FGD4: variants seen among roughly 807,000 people sequenced by gnomAD.
FGD4 encodes the protein FYVE, RhoGEF and PH domain containing 4, also known as FYVE, RhoGEF and PH domain-containing protein 4.
In FGD4, 42 loss-of-function variants were observed where a neutral mutation model predicts 102.0. The observed-to-expected ratio is 0.41, with a 90% CI of 0.32 to 0.53. FGD4 has a LOEUF of 0.53. FGD4 is among the 20% of genes least tolerant of loss of function. The pLI, the probability that FGD4 is intolerant of heterozygous loss-of-function variation, is 0.21. For missense variants in FGD4, 902 were observed against 1,078.2 expected (o/e 0.84, Z 2.29); for synonymous variants, 380 against 375.7 (o/e 1.01, Z -0.13).
At position 32,611,155 on chromosome 12, in the gene FGD4, T is replaced by A. The variant is rs768836812; in HGVS notation, c.1621T>A (p.Leu541Ile). ...IRKMENLKKL[L>I]EIYEMLGEEE... ...TTCCTAGGAGAACCTAAAGAAACTC[T>A]TAGAGATTTATGAAATGTTGGGAGA... Residue 541 changes from leucine (L) to isoleucine (I), a missense_variant, in exon 10 of 17, where the codon TTA (leucine) becomes ATA (isoleucine). Leu to Ile is a conservative substitution (Grantham distance 5, BLOSUM62 2). This residue lies in a region of FGD4 where 459 missense variants were observed against 619.0 expected (regional missense o/e 0.74). Coordinates refer to ENST00000534526, the MANE Select transcript of FGD4 (RefSeq NM_001370298.3). 6.2e-7 allele frequency: 1 copy of A among 1,614,102 alleles called. No individual in the cohort carries two copies. The highest frequency in any genetic ancestry group is 1.1e-5 in the South Asian group (1 of 91,084).
At chr12:32,613,374 G>C (rs1949265049) in intron 10 of FGD4, among the ~76,000 whole-genome samples, 1 of 152,180 alleles carries the variant, frequency 6.6e-6, no homozygotes, top group Admixed American at 6.5e-5. Flanking sequence ...AGATTTCAAA[G>C]CTTTTTTTGC....
In FGD4 at chr12:32,602,250, C is replaced by T; in HGVS notation, c.1337C>T (p.Ala446Val). 2 of 1,614,104 alleles carry T rather than the reference C, an allele frequency of 1.2e-6. No homozygotes were observed. The highest frequency in any genetic ancestry group is 1.7e-6 in the Non-Finnish European group (2 of 1,180,000). Residue 446 changes from alanine (A) to valine (V), a missense_variant, in exon 7 of 17, where the codon GCA becomes GTA. Ala to Val is a moderately conservative substitution (Grantham distance 64). Around this residue, in one of 2 missense-constraint regions of FGD4, gnomAD observed 459 missense variants for 619.0 expected, o/e 0.74. Coordinates refer to ENST00000534526, the MANE Select transcript of FGD4 (RefSeq NM_001370298.3). ...GAATATGTGAAAGGATTTGATAATG[C>T]AATGGAATTGGTTAAAAACATGACA... Reference protein sequence around the residue: ...YGEYVKGFDNAMELVKNMTER... With the variant: ...YGEYVKGFDNVMELVKNMTER...
chr12:32,513,134 T>C (rs1314520794), intron 1 of FGD4, among the ~76,000 whole-genome samples: 1 of 152,128 alleles, frequency 6.6e-6, no homozygotes, highest in African/African-American at 2.4e-5. Context: ...AGTGCTGTGA[T>C]TGCGCAGAGA....
intron 10 of FGD4, among the ~76,000 whole-genome samples, chr12:32,618,805 T>A (rs1949606953): frequency 6.6e-6 from 1 of 152,196 alleles, no homozygotes; most frequent in Non-Finnish European, 1.5e-5. Flanking sequence ...ACCTCATCTC[T>A]ACTAAGAAAA....
intron 1 of FGD4, among the ~76,000 whole-genome samples, chr12:32,532,103 T>C (rs1941865187): frequency 2.0e-5 from 3 of 152,214 alleles, no homozygotes; most frequent in African/African-American, 7.2e-5. Context: ...CTGAACAGTA[T>C]ATATACTATG....
At position 32,639,056 on chromosome 12, in the gene FGD4, G is replaced by A. The variant is rs904914289; in HGVS notation, c.2454+261G>A. 3 of 876,470 alleles carry A rather than the reference G, an allele frequency of 3.4e-6. No individual in the cohort carries two copies. In the Admixed American group the frequency reaches 1.1e-4, roughly 32 times the overall value. The allele number at this position is 876,470 out of a possible 1,614,324, so 54.3% of individuals were successfully genotyped here. The stretch of plus-strand genomic sequence containing the variant: ...TTTGAGAAAAGATGAGTTGAATTAG[G>A]AATGAGCATGAGGAGAAGGGGAAGC... On this transcript the variant is annotated intron_variant, in intron 16 of 16. Coordinates refer to ENST00000534526, the MANE Select transcript of FGD4 (RefSeq NM_001370298.3).
chr12:32,399,943 G>T lies in FGD4; in HGVS notation c.150G>T (p.Val50=), dbSNP rs1419786262. 3 of 1,492,522 alleles carry T rather than the reference G, an allele frequency of 2.0e-6. No homozygotes were observed. The highest frequency in any genetic ancestry group is 2.7e-6 in the Non-Finnish European group (3 of 1,127,054). The allele number at this position is 1,492,522 out of a possible 1,614,324, so 92.5% of individuals were successfully genotyped here. ...RVGTAAFKGQ[V]PSGATGSSTC... ...GGACCGCTGCCTTCAAGGGCCAGGTGCCCTCAGGAGCCACAGGTAAGCGCC... is the reference window on the plus strand; with the variant it reads ...GGACCGCTGCCTTCAAGGGCCAGGTTCCCTCAGGAGCCACAGGTAAGCGCC... The change falls in exon 1 of 17, where the codon GTG becomes GTT. Residue 50 remains valine, a synonymous_variant. Transcript: ENST00000534526.
At chr12:32,550,480 G>A (rs1943561317) in intron 1 of FGD4, among the ~76,000 whole-genome samples, 2 of 151,858 alleles carry the variant, frequency 1.3e-5, no homozygotes, top group Non-Finnish European at 2.9e-5. Flanking sequence ...GACCAGCCTG[G>A]GCAAAATAGT....
rs556932601 is a variant in FGD4 at position 32,635,111 on chromosome 12, A to G, written c.2313+1422A>G. 5.9e-5 allele frequency among the ~76,000 whole-genome samples: 9 copies of G among 152,366 alleles called. No homozygotes were observed. The East Asian group carries it at 1.5e-3, about 26-fold the overall frequency. ...CACTTCTGTTCATTGATAAAGGGTT[A>G]CAAACTTCAAGGTCCATTTGAGGCT... On this transcript the variant is annotated intron_variant, in intron 15 of 16. Coordinates refer to ENST00000534526, the MANE Select transcript of FGD4 (RefSeq NM_001370298.3).
chr12:32,451,762 G>A (rs1240889366), intron 1 of FGD4, among the ~76,000 whole-genome samples: 1 of 134,780 alleles, frequency 7.4e-6, no homozygotes, highest in African/African-American at 2.8e-5. Context: ...CAAAAAATTA[G>A]CCGGGTATAG....
chr12:32,526,234 A>G (rs1453744480), intron 1 of FGD4, among the ~76,000 whole-genome samples: 3 of 152,236 alleles, frequency 2.0e-5, no homozygotes, highest in African/African-American at 7.2e-5. Context: ...TGAGCGCACC[A>G]GTCGACACTC....
chr12:32,631,758 C>T (rs1428764614), intron 14 of FGD4, among the ~76,000 whole-genome samples: 2 of 152,090 alleles, frequency 1.3e-5, no homozygotes, highest in Non-Finnish European at 2.9e-5. Flanking sequence ...CCTGCTTTGG[C>T]CTCCCAAAGT....
At chr12:32,459,500 G>C (rs544632374) in intron 1 of FGD4, among the ~76,000 whole-genome samples, 40 of 152,072 alleles carry the variant, frequency 2.6e-4, no homozygotes, top group African/African-American at 9.6e-4. Context: ...GCCAGACACT[G>C]CTATTTATAA....
intron 1 of FGD4, among the ~76,000 whole-genome samples, chr12:32,451,518 A>C (rs1478144652): frequency 6.6e-6 from 1 of 152,174 alleles, no homozygotes; most frequent in Non-Finnish European, 1.5e-5. Flanking sequence ...AAATTATATC[A>C]AAGAGATCAC....
rs1944995583 is a variant in FGD4 at position 32,564,251 on chromosome 12, G to A, written c.281G>A (p.Arg94Lys). The change falls in exon 2 of 17, where the codon AGG becomes AAG. Residue 94 changes from arginine to lysine, a missense_variant. Arg to Lys is a conservative substitution (Grantham distance 26). Transcript: ENST00000534526. The part of the protein sequence containing the change: ...EEEAQGINGN[R>K]PAKHSAASPK... ...GAGGCTCAGGGAATAAATGGGAACA[G>A]GCCAGCAAAACACTCAGCTGCAAGT... 4 of 1,536,088 alleles carry A rather than the reference G, an allele frequency of 2.6e-6. No homozygotes were observed. In the South Asian group the frequency reaches 3.6e-5, roughly 14 times the overall value.
intron 1 of FGD4, among the ~76,000 whole-genome samples, chr12:32,437,994 C>T (rs186550491): frequency 5.3e-5 from 8 of 152,112 alleles, no homozygotes; most frequent in Admixed American, 1.3e-4. Context: ...CGGGTTCAAG[C>T]GATTCTTCTG....
At position 32,506,744 on chromosome 12, in the gene FGD4, G is replaced by A. The variant is rs1453920826; in HGVS notation, c.167-57393G>A. ...ATTTACTCTATGCCATTCCTATTGC[G>A]ATGTGGAGGATATGGCATTGAGCAC... On this transcript the variant is annotated intron_variant, in intron 1 of 16. Transcript: ENST00000534526. The surrounding 1 kb of genome is among the most constrained non-coding windows in gnomAD (Gnocchi z 4.5). Among the ~76,000 whole-genome samples, 4 of 152,062 alleles carry A rather than the reference G, an allele frequency of 2.6e-5. No individual in the cohort carries two copies. Among genetic ancestry groups the A allele is most frequent in the Non-Finnish European group, 4.4e-5 (3 of 68,036 alleles).
At chr12:32,618,058 A>G (rs1407172580) in intron 10 of FGD4, among the ~76,000 whole-genome samples, 1 of 152,244 alleles carries the variant, frequency 6.6e-6, no homozygotes, top group East Asian at 1.9e-4. Context: ...AAACATACAC[A>G]TTTATAAGAT....
At chr12:32,635,637 A>C (rs1284866949) in intron 15 of FGD4, among the ~76,000 whole-genome samples, 1 of 152,220 alleles carries the variant, frequency 6.6e-6, no homozygotes, top group African/African-American at 2.4e-5. Context: ...CAAGGATATT[A>C]CATACATATT....
Sources: allele counts gnomAD v4.1 joint callset (sites outside exome capture counted in the v4.1 genomes callset), GRCh38; gene constraint gnomAD v4.1.1; regional missense constraint gnomAD v4.1.1; non-coding constraint Gnocchi (gnomAD v3.1); transcripts MANE v1.5; gene names NCBI Gene and HGNC (gene_info 2026-07-23, HGNC 2026-07-21).